CTNND2: variants seen among roughly 807,000 people sequenced by gnomAD.
The protein encoded by CTNND2 is catenin delta 2.
A neutral mutation model predicts 144.4 loss-of-function variants in CTNND2; 22 were observed. The ratio of observed to expected loss-of-function variants is 0.15; its 90% confidence interval spans 0.11 to 0.22. The LOEUF (loss-of-function observed/expected upper bound fraction) is 0.22, where lower values mean the gene tolerates loss of function less well. Among genes scored for constraint, CTNND2 ranks in the 10% least tolerant of loss-of-function variants. The pLI is 1.00. For missense variants in CTNND2, 1,353 were observed against 1,618.8 expected (o/e 0.84, Z 2.82); for synonymous variants, 751 against 695.6 (o/e 1.08, Z -1.25).
intron 2 of CTNND2, among the ~76,000 whole-genome samples, chr5:11,606,855 G>C (rs1049278646): frequency 6.6e-6 from 1 of 152,072 alleles, no homozygotes; most frequent in Non-Finnish European, 1.5e-5. Flanking sequence ...CCTTGTTATG[G>C]GTGGAATTGT....
chr5:11,227,822 G>T, intron 10 of CTNND2, among the ~76,000 whole-genome samples: 1 of 152,088 alleles, frequency 6.6e-6, no homozygotes, highest in East Asian at 1.9e-4. Flanking sequence ...ATCTAGTCTA[G>T]ACACACAGAC....
chr5:11,352,730 A>T (rs546754895), intron 8 of CTNND2, among the ~76,000 whole-genome samples: 1 of 152,336 alleles, frequency 6.6e-6, no homozygotes, highest in Non-Finnish European at 1.5e-5. Context: ...TTAGGTCTTC[A>T]TGATATAAAT....
intron 12 of CTNND2, among the ~76,000 whole-genome samples, chr5:11,153,921 C>G (rs1757980978): frequency 6.6e-6 from 1 of 152,146 alleles, no homozygotes; most frequent in African/African-American, 2.4e-5. Context: ...TACAGGAGTG[C>G]AGATCACAGT....
intron 2 of CTNND2, among the ~76,000 whole-genome samples, chr5:11,582,487 C>T (rs182589471): frequency 5.8e-4 from 89 of 152,284 alleles, no homozygotes; most frequent in African/African-American, 2.0e-3. Context: ...TTTGGCACCA[C>T]ATAAATGCTG....
At chr5:11,749,657 AG>A (rs1436217042) in intron 1 of CTNND2, among the ~76,000 whole-genome samples, 1 of 152,048 alleles carries the variant, frequency 6.6e-6, no homozygotes, top group African/African-American at 2.4e-5. Context: ...AAGATGTTCA[AG>A]GATTTTACTT....
At chr5:11,695,278 A>G (rs979870886) in intron 2 of CTNND2, among the ~76,000 whole-genome samples, 1 of 152,200 alleles carries the variant, frequency 6.6e-6, no homozygotes, top group Non-Finnish European at 1.5e-5. Flanking sequence ...CAAGACAAGT[A>G]TCTAGCAACT....
At position 11,285,391 on chromosome 5, in the gene CTNND2, A is replaced by G. The variant is rs78753359; in HGVS notation, c.1629-48568T>C. ...GGTTTTGCTGCTTTAACTACTGTCC[A>G]GCTCTGGTTCTTTCACAAGCCCCAG... On this transcript the variant is annotated intron_variant, in intron 9 of 21. Coordinates refer to ENST00000304623, the MANE Select transcript of CTNND2 (RefSeq NM_001332.4). 7.1e-3 allele frequency among the ~76,000 whole-genome samples: 1,083 copies of G among 152,338 alleles called. 8 individuals carry two copies. Among genetic ancestry groups the G allele is most frequent in the Middle Eastern group, 0.02 (6 of 294 alleles).
intron 15 of CTNND2, among the ~76,000 whole-genome samples, chr5:11,091,986 T>C (rs1240934612): frequency 6.6e-6 from 1 of 152,228 alleles, no homozygotes; most frequent in Non-Finnish European, 1.5e-5. Context: ...TCTGATCACT[T>C]TGATATCTCC....
intron 2 of CTNND2, among the ~76,000 whole-genome samples, chr5:11,610,765 G>A (rs190027149): frequency 4.1e-4 from 62 of 152,262 alleles, no homozygotes; most frequent in Admixed American, 3.9e-4. Context: ...ACATATTAGA[G>A]GTTTGTCTAC....
chr5:11,491,196 T>C (rs1769348819), intron 3 of CTNND2, among the ~76,000 whole-genome samples: 2 of 152,168 alleles, frequency 1.3e-5, no homozygotes, highest in Admixed American at 1.3e-4. Flanking sequence ...CCACCTAGTA[T>C]CCTCCTGTCC....
rs115144348 is a variant in CTNND2 at position 11,569,738 on chromosome 5, C to T, written c.175-4682G>A. Among the ~76,000 whole-genome samples, 1,362 of 152,188 alleles carry T rather than the reference C, an allele frequency of 8.9e-3. 23 individuals carry two copies. The highest frequency in any genetic ancestry group is 0.031 in the African/African-American group (1,274 of 41,512). On this transcript the variant is annotated intron_variant, in intron 2 of 21. Transcript: ENST00000304623. ...TTGTTAAGTCTTAACAATATTGAGG[C>T]TTCTTCATTTCTATGGTCTAAATGC... is the stretch of plus-strand genomic sequence containing the variant.
Position 11,653,400 on chromosome 5 carries a change from A to T in CTNND2, c.174+78736T>A, listed in dbSNP as rs116952881. On this transcript the variant is annotated intron_variant, in intron 2 of 21. Coordinates refer to ENST00000304623, the MANE Select transcript of CTNND2 (RefSeq NM_001332.4). The stretch of plus-strand genomic sequence containing the variant: ...TCTCCTCACCTCAGTAACACTTGTT[A>T]TCATTTGGCTTTTTTATAACAGCAA... Among the ~76,000 whole-genome samples the T allele has an allele frequency of 3.9e-3, 597 of 152,112 alleles. 16 individuals are homozygous for T. Among genetic ancestry groups the T allele is most frequent in the Admixed American group, 0.031 (466 of 15,250 alleles).
intron 12 of CTNND2, among the ~76,000 whole-genome samples, chr5:11,153,361 T>A (rs903848633): frequency 3.3e-5 from 5 of 152,162 alleles, no homozygotes; most frequent in African/African-American, 1.2e-4. Flanking sequence ...ATACAACACT[T>A]TAAAAACACT....
intron 1 of CTNND2, among the ~76,000 whole-genome samples, chr5:11,891,956 G>A (rs1410984654): frequency 6.6e-6 from 1 of 152,116 alleles, no homozygotes; most frequent in African/African-American, 2.4e-5. Context: ...CCTTCAGTGT[G>A]GTACTCAATT....
At chr5:11,517,176 C>A (rs190840202) in intron 3 of CTNND2, among the ~76,000 whole-genome samples, 22 of 152,280 alleles carry the variant, frequency 1.4e-4, no homozygotes, top group African/African-American at 5.3e-4. Context: ...AAAATACACT[C>A]GAATCATGCA....
At chr5:11,246,941 C>T (rs750022484) in intron 9 of CTNND2, among the ~76,000 whole-genome samples, 1 of 152,064 alleles carries the variant, frequency 6.6e-6, no homozygotes, top group Non-Finnish European at 1.5e-5. Context: ...CAACAGGGGG[C>T]CCTGATGTGT....
At chr5:11,805,341 A>G (rs1791933440) in intron 1 of CTNND2, among the ~76,000 whole-genome samples, 1 of 152,136 alleles carries the variant, frequency 6.6e-6, no homozygotes, top group African/African-American at 2.4e-5. Flanking sequence ...ATATCAACTG[A>G]CAGTCTAAAA....
At chr5:11,574,854 A>G (rs145235385) in intron 2 of CTNND2, among the ~76,000 whole-genome samples, 2 of 152,308 alleles carry the variant, frequency 1.3e-5, no homozygotes, top group East Asian at 3.9e-4. Flanking sequence ...CCAGAATCCT[A>G]GCCTCAGCCA....
chr5:11,900,352 T>G (rs1737760513), intron 1 of CTNND2, among the ~76,000 whole-genome samples: 1 of 152,190 alleles, frequency 6.6e-6, no homozygotes. Flanking sequence ...TAACTGCAGA[T>G]TTTTGTTATG....
Sources: gnomAD v4.1 joint callset for allele counts (sites outside exome capture counted in the v4.1 genomes callset) on GRCh38, gnomAD v4.1.1 for gene constraint, MANE v1.5 for transcripts, NCBI Gene and HGNC (gene_info 2026-07-23, HGNC 2026-07-21) for gene names.